Variants in RAD23B observed in about 807,000 individuals in gnomAD.
RAD23B encodes RAD23 nucleotide excision repair protein B, also known as lysine-specific demethylase RAD23B.
RAD23B carries 5 observed loss-of-function variants against 49.1 expected under a neutral mutation model. The observed-to-expected ratio is 0.10, with a 90% CI of 0.05 to 0.21. RAD23B has a LOEUF of 0.21. Ranked by LOEUF, RAD23B falls within the 10% of genes least tolerant of loss-of-function variation. The probability of loss-of-function intolerance (pLI) is 1.00; values close to 1 mark genes in which losing one functional copy is unlikely to be tolerated. For missense variants in RAD23B, 356 were observed against 486.7 expected (o/e 0.73, Z 2.53); for synonymous variants, 184 against 165.4 (o/e 1.11, Z -0.86).
intron 1 of RAD23B, among the ~76,000 whole-genome samples, chr9:107,285,637 A>G (rs553790715): frequency 2.6e-5 from 4 of 152,326 alleles, no homozygotes; most frequent in African/African-American, 4.8e-5. Context: ...ATTTCCAAGG[A>G]AAAGTAATAT....
chr9:107,328,378 C>T (rs181774266), intron 9 of RAD23B, among the ~76,000 whole-genome samples: 1 of 152,132 alleles, frequency 6.6e-6, no homozygotes, highest in East Asian at 1.9e-4. Context: ...AACTGTTCCA[C>T]CTCCGATCAT....
intron 1 of RAD23B, among the ~76,000 whole-genome samples, chr9:107,293,582 GA>G: frequency 6.6e-6 from 1 of 152,164 alleles, no homozygotes; most frequent in East Asian, 1.9e-4. Context: ...AAAGTAAGAA[GA>G]AAAAATAATA....
Position 107,318,615 on chromosome 9 carries a change from T to G in RAD23B, c.554-137T>G, listed in dbSNP as rs1827041551. On this transcript the variant is annotated intron_variant, in intron 5 of 9. Coordinates refer to ENST00000358015, the MANE Select transcript of RAD23B (RefSeq NM_002874.5). This position sits in a 1 kb window ranked among gnomAD's most constrained non-coding sequence, Gnocchi z 4.3. ...GGACCATTACCTACTACATATATGTTGTAATTTATACTGTTACTCATCTTT... is the reference window on the plus strand; with the variant it reads ...GGACCATTACCTACTACATATATGTGGTAATTTATACTGTTACTCATCTTT... 2 of 937,006 alleles carry G rather than the reference T, an allele frequency of 2.1e-6. No homozygotes were observed. The highest frequency in any genetic ancestry group is 3.1e-6 in the Non-Finnish European group (2 of 645,570). 58.0% of individuals were successfully genotyped at this position (937,006 alleles called of 1,614,324 possible).
At chr9:107,288,478 C>T (rs1397118034) in intron 1 of RAD23B, among the ~76,000 whole-genome samples, 1 of 152,138 alleles carries the variant, frequency 6.6e-6, no homozygotes, top group Admixed American at 6.5e-5. Context: ...TGCAGTCTTA[C>T]TCTGTAGCCC....
chr9:107,313,426 C>T (rs1203397869), intron 5 of RAD23B, among the ~76,000 whole-genome samples: 1 of 152,110 alleles, frequency 6.6e-6, no homozygotes, highest in Non-Finnish European at 1.5e-5. Flanking sequence ...GGGGTTTCAC[C>T]CTGCTAGCCA....
chr9:107,290,615 A>G (rs1833364700), intron 1 of RAD23B, among the ~76,000 whole-genome samples: 1 of 152,214 alleles, frequency 6.6e-6, no homozygotes, highest in Non-Finnish European at 1.5e-5. Flanking sequence ...TTAAAATGAG[A>G]GTAATAATAA....
At chr9:107,321,178 A>C (rs959753350) in intron 6 of RAD23B, among the ~76,000 whole-genome samples, 2 of 152,134 alleles carry the variant, frequency 1.3e-5, no homozygotes, top group Non-Finnish European at 2.9e-5. Context: ...AAATGGTTTC[A>C]ATTTCTTTTA....
intron 7 of RAD23B, among the ~76,000 whole-genome samples, chr9:107,323,397 CTT>C (rs1827145476): frequency 6.6e-6 from 1 of 152,098 alleles, no homozygotes; most frequent in African/African-American, 2.4e-5. Flanking sequence ...TGACCTCAGA[CTT>C]TAAATATCTT....
chr9:107,283,375 G>A lies in RAD23B; in HGVS notation c.-255G>A, dbSNP rs1564236517. The A allele has an allele frequency of 2.3e-6, 1 of 428,026 alleles. No individual in the cohort carries two copies. The allele number at this position is 428,026 out of a possible 1,614,324, so 26.5% of individuals were successfully genotyped here. A position where few individuals can be genotyped will look rare whatever the true frequency, so the allele number is the denominator to read the frequency against. On this transcript the variant is annotated 5_prime_UTR_variant, in exon 1 of 10. Coordinates refer to ENST00000358015, the MANE Select transcript of RAD23B (RefSeq NM_002874.5). Reference sequence around the variant, plus strand: ...GCGCCTTCTGCAGACTCCGTGGCTGGCGCTCGGCGCGTGAGGAAGCACGGC... The same window carrying A: ...GCGCCTTCTGCAGACTCCGTGGCTGACGCTCGGCGCGTGAGGAAGCACGGC...
At chr9:107,306,094 A>C (rs1247260387) in intron 3 of RAD23B, among the ~76,000 whole-genome samples, 1 of 110,470 alleles carries the variant, frequency 9.1e-6, no homozygotes, top group African/African-American at 3.3e-5. Context: ...TATATATTTC[A>C]AATTTTTTAT....
chr9:107,297,640 A>T (rs1826555264), intron 1 of RAD23B, among the ~76,000 whole-genome samples: 1 of 151,970 alleles, frequency 6.6e-6, no homozygotes, highest in South Asian at 2.1e-4. Context: ...GCCCAGCCTT[A>T]ATATTTTTTA....
chr9:107,325,313 CAAAAAAAAAAAA>C (rs34042765), intron 9 of RAD23B, among the ~76,000 whole-genome samples: 668 of 61,410 alleles, frequency 0.011, 10 homozygotes, highest in African/African-American at 0.042. Flanking sequence ...GACTCTGTCT[CAAAAAAAAAAAA>C]AAAAAAAAAA....
intron 1 of RAD23B, 54 bp from the exon 2 acceptor site, chr9:107,300,087 A>C: frequency 6.4e-7 from 1 of 1,574,716 alleles, no homozygotes; most frequent in Non-Finnish European, 8.6e-7. Context: ...CAGATTCTGG[A>C]TTGTCATTTT....
rs534617128 is a variant in RAD23B at position 107,299,955 on chromosome 9, A to G, written c.67-186A>G. Among the ~76,000 whole-genome samples, 9 of 152,306 alleles carry G rather than the reference A, an allele frequency of 5.9e-5. No individual in the cohort carries two copies. In the East Asian group the frequency reaches 1.7e-3, roughly 29 times the overall value. On this transcript the variant is annotated intron_variant, in intron 1 of 9. Coordinates refer to ENST00000358015, the MANE Select transcript of RAD23B (RefSeq NM_002874.5). ...TCAGATGGTGTTAAAGTTTATGGCTATCATAACTAGTAATATGAGTTAATG... is the reference window on the plus strand; with the variant it reads ...TCAGATGGTGTTAAAGTTTATGGCTGTCATAACTAGTAATATGAGTTAATG...
Position 107,306,063 on chromosome 9 carries a change from ATATATATATCTATATATC to A in RAD23B, c.229-306_229-289del, listed in dbSNP as rs1482142002. On this transcript the variant is annotated intron_variant, in intron 3 of 9. Coordinates refer to ENST00000358015, the MANE Select transcript of RAD23B (RefSeq NM_002874.5). ...ATACGGTTTATATCTATATATATAT[ATATATATATCTATATATC>A]TATATATATTTCAAATTTTTTATTT... Among the ~76,000 whole-genome samples, 459 of 125,322 alleles carry A rather than the reference ATATATATATCTATATATC, an allele frequency of 3.7e-3. 16 individuals carry two copies. Among genetic ancestry groups the A allele is most frequent in the African/African-American group, 9.3e-3 (329 of 35,436 alleles). The allele number at this position is 125,322 out of a possible 152,430, so 82.2% of individuals were successfully genotyped here.
At position 107,332,076 on chromosome 9, in the gene RAD23B, C is replaced by A. The variant is rs1587869268; in HGVS notation, c.*2420C>A. 8 of 276,326 alleles carry A rather than the reference C, an allele frequency of 2.9e-5. No homozygotes were observed. In the East Asian group the frequency reaches 5.1e-4, roughly 17 times the overall value. The allele number at this position is 276,326 out of a possible 1,614,324, so 17.1% of individuals were successfully genotyped here. A position where few individuals can be genotyped will look rare whatever the true frequency, so the allele number is the denominator to read the frequency against. On this transcript the variant is annotated 3_prime_UTR_variant, in exon 10 of 10. Coordinates refer to ENST00000358015, the MANE Select transcript of RAD23B (RefSeq NM_002874.5). Reference sequence around the variant, plus strand: ...GTATTTGTAAATTTCTTATGCCATCCTCTAGTCAAATTTTTTTTCATTGTT... The same window carrying A: ...GTATTTGTAAATTTCTTATGCCATCATCTAGTCAAATTTTTTTTCATTGTT...
chr9:107,301,886 T>C (rs896553344), intron 2 of RAD23B, 149 bp from the exon 3 acceptor site: 3 of 1,179,232 alleles, frequency 2.5e-6, no homozygotes, highest in East Asian at 5.6e-5. Flanking sequence ...GGTTTTTCTT[T>C]GGGAAAAGTA....
intron 1 of RAD23B, among the ~76,000 whole-genome samples, chr9:107,294,320 G>A (rs1365468708): frequency 6.6e-6 from 1 of 152,196 alleles, no homozygotes; most frequent in Non-Finnish European, 1.5e-5. Context: ...TTTGTCTCTA[G>A]TGGAATTGAT....
rs1826743916 is a variant in RAD23B, at chr9:107,305,508, T to G, written c.229-871T>G. On this transcript the variant is annotated intron_variant, in intron 3 of 9. Coordinates refer to ENST00000358015, the MANE Select transcript of RAD23B (RefSeq NM_002874.5). ...CAGTGTAACTTATATTGAAAAAAATTATCATGTAAGTGGACCCAGTGCAGT... is the reference window on the plus strand; with the variant it reads ...CAGTGTAACTTATATTGAAAAAAATGATCATGTAAGTGGACCCAGTGCAGT... Among the ~76,000 whole-genome samples the G allele has an allele frequency of 1.3e-5, 2 of 152,116 alleles. 1 individual carries two copies. Among genetic ancestry groups the G allele is most frequent in the South Asian group, 4.1e-4 (2 of 4,832 alleles).
Sources: allele counts gnomAD v4.1 joint callset (sites outside exome capture counted in the v4.1 genomes callset), GRCh38; gene constraint gnomAD v4.1.1; non-coding constraint Gnocchi (gnomAD v3.1); transcripts MANE v1.5; gene names NCBI Gene and HGNC (gene_info 2026-07-23, HGNC 2026-07-21).